FBLN7: variants seen among roughly 807,000 people sequenced by gnomAD.
The protein encoded by FBLN7 is fibulin 7, also known as fibulin-7.
Under a neutral mutation model 44.0 loss-of-function variants are expected in FBLN7, and 31 were observed. The ratio of observed to expected loss-of-function variants is 0.70; its 90% CI spans 0.53 to 0.95. The LOEUF is 0.95. Among genes scored for constraint, FBLN7 ranks in the 40% least tolerant of loss-of-function variants. The pLI is 0.00. For synonymous variants in FBLN7, 262 were observed against 253.4 expected (o/e 1.03, Z -0.32); for missense variants, 573 against 618.5 (o/e 0.93, Z 0.78).
At chr2:112,198,633 CAAAA>C in the FBLN7 span, among the ~76,000 whole-genome samples, 1 of 98,318 alleles carries the variant, frequency 1.0e-5, no homozygotes, top group Non-Finnish European at 2.1e-5. Flanking sequence ...GAGATTGTCT[CAAAA>C]AAAAAGAAAG....
chr2:112,205,677 T>C, the FBLN7 span, among the ~76,000 whole-genome samples: 1 of 152,162 alleles, frequency 6.6e-6, no homozygotes, highest in African/African-American at 2.4e-5. Flanking sequence ...TAAGTTGATA[T>C]GTTTGTCTGT....
At chr2:112,146,828 A>C (rs568365308) in intron 1 of FBLN7, among the ~76,000 whole-genome samples, 8 of 152,314 alleles carry the variant, frequency 5.3e-5, no homozygotes, top group African/African-American at 1.9e-4. Flanking sequence ...ATGGACTAAA[A>C]TTTCAAGTAC....
At chr2:112,201,243 G>A in the FBLN7 span, among the ~76,000 whole-genome samples, 1 of 152,202 alleles carries the variant, frequency 6.6e-6, no homozygotes. Flanking sequence ...GATTTGACCT[G>A]GAGAGTTCTG....
the FBLN7 span, chr2:112,236,677 T>G: frequency 6.2e-7 from 1 of 1,611,410 alleles, no homozygotes; most frequent in Non-Finnish European, 8.5e-7. Flanking sequence ...TTTAAGATTT[T>G]TATTTTTTTG....
intron 1 of FBLN7, among the ~76,000 whole-genome samples, chr2:112,142,444 C>T (rs6737707): frequency 0.72 from 109,879 of 152,106 alleles, 41,303 homozygotes; most frequent in African/African-American, 0.93. Context: ...GGCCTTAAAG[C>T]AGTGTGAGCC....
chr2:112,192,936 G>T (rs562556558), downstream of FBLN7, among the ~76,000 whole-genome samples: 3 of 152,282 alleles, frequency 2.0e-5, no homozygotes, highest in Admixed American at 1.3e-4. Flanking sequence ...TTTTGGCAAG[G>T]GGACAGAAAA....
the FBLN7 span, among the ~76,000 whole-genome samples, chr2:112,234,786 C>T: frequency 6.7e-5 from 10 of 149,572 alleles, no homozygotes; most frequent in East Asian, 1.4e-3. Context: ...GGCAATAGAA[C>T]GAGACTCCAT....
the FBLN7 span, chr2:112,234,316 A>G: frequency 8.6e-7 from 1 of 1,159,994 alleles, no homozygotes; most frequent in East Asian, 2.6e-5. Context: ...AATTATTTAA[A>G]CCAACTTCAG....
chr2:112,223,412 T>TA, the FBLN7 span, among the ~76,000 whole-genome samples: 42 of 151,884 alleles, frequency 2.8e-4, no homozygotes, highest in African/African-American at 9.2e-4. Flanking sequence ...ATAAAGCCAT[T>TA]AAAAAAAAGA....
Position 112,187,596 on chromosome 2 carries a change from C to A in FBLN7, c.*90C>A. On this transcript the variant is annotated 3_prime_UTR_variant, in exon 8 of 8. Transcript: ENST00000331203. This position sits in a 1 kb window ranked among gnomAD's most constrained non-coding sequence, Gnocchi z 5.1. ...CGGGCACCGACTGCGTGGAGCCTCC[C>A]GCCTGTTCCCGCCCTCTCACCAGTG... 1.3e-6 allele frequency: 2 copies of A among 1,523,920 alleles called. No individual in the cohort carries two copies. Among genetic ancestry groups the A allele is most frequent in the Non-Finnish European group, 1.8e-6 (2 of 1,125,254 alleles). The allele number at this position is 1,523,920 out of a possible 1,614,324, so 94.4% of individuals were successfully genotyped here.
chr2:112,244,699 C>T, the FBLN7 span, among the ~76,000 whole-genome samples: 1 of 152,140 alleles, frequency 6.6e-6, no homozygotes, highest in Non-Finnish European at 1.5e-5. Context: ...TCTGTTATAG[C>T]GATCTGTGAT....
At chr2:112,166,443 A>C (rs1356101267) in intron 3 of FBLN7, among the ~76,000 whole-genome samples, 4 of 152,198 alleles carry the variant, frequency 2.6e-5, no homozygotes, top group Non-Finnish European at 4.4e-5. Context: ...TTGCCATGAG[A>C]AGCTCAGGGA....
intron 1 of FBLN7, among the ~76,000 whole-genome samples, chr2:112,141,802 A>C (rs1396616765): frequency 6.6e-6 from 1 of 152,008 alleles, no homozygotes; most frequent in East Asian, 1.9e-4. Flanking sequence ...TGAGGTAAAC[A>C]CCTGTCTCCT....
In FBLN7 at chr2:112,183,915, C is replaced by CA. The variant is rs1456330150; in HGVS notation, c.808+988dup. On this transcript the variant is annotated intron_variant, in intron 6 of 7. Transcript: ENST00000331203. Reference sequence around the variant, plus strand: ...GAACCCTCGCAACAGTCACCATCATCACTACAGGACAAGTCCCAGGGACAC... The same window carrying CA: ...GAACCCTCGCAACAGTCACCATCATCAACTACAGGACAAGTCCCAGGGACAC... Among the ~76,000 whole-genome samples the CA allele has an allele frequency of 2.0e-5, 3 of 152,184 alleles. No homozygotes were observed. In the East Asian group the frequency reaches 5.8e-4, roughly 29 times the overall value.
rs577362081 is a variant in FBLN7 at position 112,166,214 on chromosome 2, C to T, written c.406+1043C>T. Among the ~76,000 whole-genome samples the T allele has an allele frequency of 4.6e-5, 7 of 152,294 alleles. No individual in the cohort carries two copies. The South Asian group carries it at 1.5e-3, about 32-fold the overall frequency. On this transcript the variant is annotated intron_variant, in intron 3 of 7. Coordinates refer to ENST00000331203, the MANE Select transcript of FBLN7 (RefSeq NM_153214.3). ...TACAGGTGCCCACCACCACGTTCAG[C>T]TAACTTTCGTATGTTTAGTAGAAAA...
chr2:112,219,950 C>A, the FBLN7 span, among the ~76,000 whole-genome samples: 1 of 152,088 alleles, frequency 6.6e-6, no homozygotes, highest in Non-Finnish European at 1.5e-5. Context: ...GTCTGTTTTG[C>A]CTGAAATTAG....
chr2:112,234,819 T>A, the FBLN7 span, among the ~76,000 whole-genome samples: 16,210 of 150,754 alleles, frequency 0.11, 1,165 homozygotes, highest in Non-Finnish European at 0.16. Flanking sequence ...AAAAAAAAAA[T>A]TAAATGAAAG....
the FBLN7 span, among the ~76,000 whole-genome samples, chr2:112,244,652 T>A: frequency 6.6e-6 from 1 of 152,236 alleles, no homozygotes; most frequent in Non-Finnish European, 1.5e-5. Flanking sequence ...GTTCACTCTG[T>A]GTCTCTGTGT....
intron 3 of FBLN7, among the ~76,000 whole-genome samples, chr2:112,168,457 T>A (rs1360325371): frequency 6.6e-6 from 1 of 152,174 alleles, no homozygotes; most frequent in African/African-American, 2.4e-5. Flanking sequence ...ACCAAGCTGC[T>A]CCAGCAGCTG....
Sources: allele counts gnomAD v4.1 joint callset (sites outside exome capture counted in the v4.1 genomes callset), GRCh38; gene constraint gnomAD v4.1.1; non-coding constraint Gnocchi (gnomAD v3.1); transcripts MANE v1.5; gene names NCBI Gene and HGNC (gene_info 2026-07-23, HGNC 2026-07-21).